SLC16A4: variants seen among roughly 807,000 people sequenced by gnomAD.
SLC16A4 encodes the protein probable monocarboxylate transporter 5.
SLC16A4 carries 39 observed loss-of-function variants against 47.9 expected under a neutral mutation model. The ratio of observed to expected loss-of-function variants is 0.81; its 90% confidence interval spans 0.63 to 1.06. SLC16A4 has a LOEUF of 1.06. Among genes scored for constraint, SLC16A4 ranks in the 50% least tolerant of loss-of-function variants. SLC16A4 has a pLI of 0.00. For synonymous variants in SLC16A4, 189 were observed against 199.9 expected (o/e 0.95, Z 0.46); for missense variants, 524 against 573.8 (o/e 0.91, Z 0.89).
Position 110,389,261 on chromosome 1 carries a change from C to G in SLC16A4, c.63G>C (p.Trp21Cys). 6.2e-7 allele frequency: 1 copy of G among 1,613,904 alleles called. No individual in the cohort carries two copies. The highest frequency in any genetic ancestry group is 8.5e-7 in the Non-Finnish European group (1 of 1,179,752). The change falls in exon 2 of 9, where the codon TGG becomes TGC. Residue 21 changes from tryptophan to cysteine, a missense_variant. By Grantham distance (215) the Trp-to-Cys change is radical. Coordinates refer to ENST00000369779, the MANE Select transcript of SLC16A4 (RefSeq NM_004696.3). ...YTKTLDGGWG[W>C]MIVIHFFLVN... ...CCAGGAAAAAATGAATCACAATCAT[C>G]CATCCCCATCCTCCATCCAGGGTTT... is the stretch of plus-strand genomic sequence containing the variant.
chr1:110,385,365 A>T (rs145551745), intron 2 of SLC16A4, among the ~76,000 whole-genome samples: 3 of 152,348 alleles, frequency 2.0e-5, no homozygotes, highest in Admixed American at 2.0e-4. Flanking sequence ...TAATTGAGAA[A>T]ATTCTGATAA....
At position 110,366,504 on chromosome 1, in the gene SLC16A4, CA is replaced by C. The variant is rs1290530901; in HGVS notation, c.1337-2612del. Among the ~76,000 whole-genome samples, 3 of 152,144 alleles carry C rather than the reference CA, an allele frequency of 2.0e-5. No homozygotes were observed. In the East Asian group the frequency reaches 5.8e-4, roughly 29 times the overall value. ...TATAGTCATGTGGCACATAACAGGA[CA>C]AACCTCATGAGGTTATGATATGCAT... On this transcript the variant is annotated intron_variant, in intron 8 of 8. Coordinates refer to ENST00000369779, the MANE Select transcript of SLC16A4 (RefSeq NM_004696.3).
At chr1:110,383,187 G>A (rs1570652398) in intron 2 of SLC16A4, among the ~76,000 whole-genome samples, 4 of 152,246 alleles carry the variant, frequency 2.6e-5, no homozygotes, top group Admixed American at 2.6e-4. Flanking sequence ...CTCATTTCAT[G>A]GCTTTGGAAT....
intron 2 of SLC16A4, among the ~76,000 whole-genome samples, chr1:110,385,455 A>C (rs764229756): frequency 1.2e-4 from 18 of 152,242 alleles, no homozygotes; most frequent in Non-Finnish European, 2.2e-4. Context: ...TCAGACTCCT[A>C]ATTGTCTACC....
intron 3 of SLC16A4, 88 bp downstream of exon 3, chr1:110,382,746 G>T: frequency 7.8e-7 from 1 of 1,275,766 alleles, no homozygotes; most frequent in Non-Finnish European, 1.0e-6. Context: ...TTTAGAAACT[G>T]AATTCCTATT....
intron 2 of SLC16A4, among the ~76,000 whole-genome samples, chr1:110,384,020 A>T (rs2101063072): frequency 6.6e-6 from 1 of 152,192 alleles, no homozygotes; most frequent in East Asian, 1.9e-4. Context: ...AGCAGTTCCA[A>T]GATCAGGAAA....
At chr1:110,380,886 G>A (rs1662340982) in intron 5 of SLC16A4, 96 bp downstream of exon 5, 12 of 1,067,598 alleles carry the variant, frequency 1.1e-5, no homozygotes, top group Non-Finnish European at 9.9e-6. Flanking sequence ...TTGTGAAATC[G>A]ATTGCTCTGA....
chr1:110,384,820 G>A (rs1662644897), intron 2 of SLC16A4, among the ~76,000 whole-genome samples: 1 of 152,140 alleles, frequency 6.6e-6, no homozygotes, highest in Non-Finnish European at 1.5e-5. Context: ...AGACCAGCCT[G>A]GGCAACATGG....
chr1:110,389,130 A>C lies in SLC16A4; in HGVS notation c.87+107T>G, dbSNP rs895064775. The C allele has an allele frequency of 3.0e-6, 3 of 997,214 alleles. No homozygotes were observed. The Admixed American group carries it at 5.2e-5, about 17-fold the overall frequency. The allele number at this position is 997,214 out of a possible 1,614,324, so 61.8% of individuals were successfully genotyped here. ...CTTGTTCCTGCCCACCCCTCCACTC[A>C]GATGCCAAAGATTTCCTAAGTGATC... On this transcript the variant is annotated intron_variant, in intron 2 of 8. Coordinates refer to ENST00000369779, the MANE Select transcript of SLC16A4 (RefSeq NM_004696.3).
At chr1:110,385,015 TTAATAA>T (rs1048472527) in intron 2 of SLC16A4, among the ~76,000 whole-genome samples, 2 of 152,058 alleles carry the variant, frequency 1.3e-5, no homozygotes, top group African/African-American at 2.4e-5. Context: ...TGTCTCAAAA[TTAATAA>T]TAATAAAAGA....
Position 110,382,938 on chromosome 1 carries a change from T to G in SLC16A4, c.116A>C (p.Lys39Thr). 1 of 1,612,088 alleles carries G rather than the reference T, an allele frequency of 6.2e-7. No homozygotes were observed. Among genetic ancestry groups the G allele is most frequent in the Non-Finnish European group, 8.5e-7 (1 of 1,178,642 alleles). ...GACCACAAAGAAAATTGCAAAAGTC[T>G]TGGTCATCCCCATCACAAACACATT... ...LVNVFVMGMT[K>T]TFAIFFVVFQ... The change falls in exon 3 of 9, where the codon AAG becomes ACG. Residue 39 changes from lysine (K) to threonine (T), a missense_variant. Coordinates refer to ENST00000369779, the MANE Select transcript of SLC16A4 (RefSeq NM_004696.3).
chr1:110,381,676 A>G lies in SLC16A4; in HGVS notation c.340T>C (p.Cys114Arg), dbSNP rs756481129. ...CCGGGTAGAAGTCCCATAGTCACAC[A>G]AAGAAAAGGAATACTTGTGGCCCAG... ...SSWATSIPFL[C>R]VTMGLLPGLG... The change falls in exon 4 of 9, where the codon TGT becomes CGT. Residue 114 changes from cysteine to arginine, a missense_variant. Coordinates refer to ENST00000369779, the MANE Select transcript of SLC16A4 (RefSeq NM_004696.3). The G allele has an allele frequency of 6.2e-7, 1 of 1,612,834 alleles. No homozygotes were observed. Among genetic ancestry groups the G allele is most frequent in the East Asian group, 2.2e-5 (1 of 44,848 alleles).
chr1:110,386,466 C>T (rs1227299233), intron 2 of SLC16A4, among the ~76,000 whole-genome samples: 1 of 152,150 alleles, frequency 6.6e-6, no homozygotes, highest in Non-Finnish European at 1.5e-5. Flanking sequence ...GTAAATGGCT[C>T]ACTCCAAAAT....
At chr1:110,388,437 T>C (rs1042084111) in intron 2 of SLC16A4, among the ~76,000 whole-genome samples, 1 of 152,080 alleles carries the variant, frequency 6.6e-6, no homozygotes, top group African/African-American at 2.4e-5. Context: ...TGGGGATGGA[T>C]TGGGAAGTAG....
intron 2 of SLC16A4, 26 bp from the exon 3 acceptor site, chr1:110,382,992 A>G (rs1662502644): frequency 6.4e-6 from 10 of 1,567,066 alleles, no homozygotes; most frequent in Non-Finnish European, 8.7e-6. Context: ...CCAGAGTCCA[A>G]CTCAGGTGGT....
At chr1:110,369,150 T>C (rs1463799751) in intron 8 of SLC16A4, among the ~76,000 whole-genome samples, 1 of 152,052 alleles carries the variant, frequency 6.6e-6, no homozygotes, top group African/African-American at 2.4e-5. Flanking sequence ...AGACGGGGTT[T>C]CACTATGTTG....
chr1:110,388,567 C>G (rs1017828721), intron 2 of SLC16A4, among the ~76,000 whole-genome samples: 2 of 152,284 alleles, frequency 1.3e-5, no homozygotes, highest in Admixed American at 6.5e-5. Flanking sequence ...TTTTTAGCAC[C>G]TCCCAGTGCT....
chr1:110,363,949 C>G (rs770328166), intron 8 of SLC16A4, 56 bp from the exon 9 acceptor site: 1 of 1,577,024 alleles, frequency 6.3e-7, no homozygotes, highest in Admixed American at 1.9e-5. Flanking sequence ...TAGTAACTCT[C>G]AGCCATGAAT....
At chr1:110,369,471 A>G (rs1661577634) in intron 8 of SLC16A4, among the ~76,000 whole-genome samples, 1 of 152,048 alleles carries the variant, frequency 6.6e-6, no homozygotes, top group Non-Finnish European at 1.5e-5. Flanking sequence ...ATGGTGGCAC[A>G]CGCCTGTAGT....
Sources: gnomAD v4.1 joint callset for allele counts (sites outside exome capture counted in the v4.1 genomes callset) on GRCh38, gnomAD v4.1.1 for gene constraint, MANE v1.5 for transcripts, NCBI Gene and HGNC (gene_info 2026-07-23, HGNC 2026-07-21) for gene names.